AKAP7: variants seen among roughly 807,000 people sequenced by gnomAD.
The protein encoded by AKAP7 is A-kinase anchoring protein 7, also known as A kinase (PRKA) anchor protein 7.
In AKAP7, 39 loss-of-function variants were observed where a neutral mutation model predicts 39.5. The observed-to-expected ratio is 0.99, with a 90% CI of 0.76 to 1.29. AKAP7 has a LOEUF of 1.29. AKAP7 is among the 50% of genes most tolerant of loss of function. The pLI is 0.00. For synonymous variants in AKAP7, 140 were observed against 139.1 expected (o/e 1.01, Z -0.05); for missense variants, 414 against 407.7 (o/e 1.02, Z -0.13).
intron 5 of AKAP7, among the ~76,000 whole-genome samples, chr6:131,186,890 A>G (rs1190739212): frequency 6.6e-6 from 1 of 152,172 alleles, no homozygotes; most frequent in African/African-American, 2.4e-5. Flanking sequence ...CAACGTAAGA[A>G]TTTTGGAGGG....
At chr6:131,279,685 C>T (rs1180681274) in intron 7 of AKAP7, among the ~76,000 whole-genome samples, 1 of 152,124 alleles carries the variant, frequency 6.6e-6, no homozygotes, top group Non-Finnish European at 1.5e-5. Flanking sequence ...GGAGGTTGAG[C>T]CATTCATTGG....
intron 6 of AKAP7, among the ~76,000 whole-genome samples, chr6:131,210,854 C>A (rs961538998): frequency 2.0e-5 from 3 of 152,136 alleles, no homozygotes; most frequent in African/African-American, 4.8e-5. Flanking sequence ...ACGACTTGGT[C>A]CCCTTGGATC....
At chr6:131,226,168 G>A (rs1307215411) in intron 7 of AKAP7, among the ~76,000 whole-genome samples, 1 of 152,166 alleles carries the variant, frequency 6.6e-6, no homozygotes, top group Non-Finnish European at 1.5e-5. Context: ...GTACAAATCT[G>A]TTTACCTTTA....
At chr6:131,128,128 C>T in the AKAP7 span, among the ~76,000 whole-genome samples, 1 of 151,672 alleles carries the variant, frequency 6.6e-6, no homozygotes, top group Non-Finnish European at 1.5e-5. Flanking sequence ...ATGCGTTTAC[C>T]TATATAAAAA....
At chr6:131,246,919 G>T (rs1317812333) in intron 7 of AKAP7, among the ~76,000 whole-genome samples, 2 of 151,976 alleles carry the variant, frequency 1.3e-5, no homozygotes, top group Non-Finnish European at 2.9e-5. Context: ...AATGCTTAGG[G>T]TTTGTAGAGC....
chr6:131,248,766 G>A (rs75609623), intron 7 of AKAP7, among the ~76,000 whole-genome samples: 1 of 152,178 alleles, frequency 6.6e-6, no homozygotes, highest in African/African-American at 2.4e-5. Context: ...TTGCTTTCTG[G>A]TCTTAATAAG....
At chr6:131,215,935 T>C (rs11759731) in intron 6 of AKAP7, among the ~76,000 whole-genome samples, 21,594 of 152,220 alleles carry the variant, frequency 0.14, 1,883 homozygotes, top group Middle Eastern at 0.28. Flanking sequence ...TAGCTACTTA[T>C]ATGACAGCAA....
At chr6:131,234,326 T>C (rs1467297225) in intron 7 of AKAP7, among the ~76,000 whole-genome samples, 1 of 152,154 alleles carries the variant, frequency 6.6e-6, no homozygotes, top group East Asian at 1.9e-4. Context: ...TGGGAAGTCA[T>C]GCAAACAAAC....
intron 5 of AKAP7, among the ~76,000 whole-genome samples, chr6:131,196,351 C>T (rs776769728): frequency 2.0e-5 from 3 of 151,628 alleles, no homozygotes; most frequent in African/African-American, 2.4e-5. Flanking sequence ...CTGCAACCTC[C>T]GCCTCCCAGG....
At chr6:131,179,897 A>AC in intron 5 of AKAP7, among the ~76,000 whole-genome samples, 1 of 144,674 alleles carries the variant, frequency 6.9e-6, no homozygotes, top group South Asian at 2.1e-4. Flanking sequence ...ATAAATAAAT[A>AC]ATAAATAAAT....
At chr6:131,257,208 T>C (rs1304131576) in intron 7 of AKAP7, among the ~76,000 whole-genome samples, 1 of 152,046 alleles carries the variant, frequency 6.6e-6, no homozygotes, top group African/African-American at 2.4e-5. Flanking sequence ...AGTGTGTTAA[T>C]TGCATAGCCG....
chr6:131,126,495 C>T, the AKAP7 span, among the ~76,000 whole-genome samples: 5 of 152,162 alleles, frequency 3.3e-5, no homozygotes, highest in Non-Finnish European at 5.9e-5. Context: ...AATCTCCATC[C>T]TTGGCTTCCA....
chr6:131,270,354 C>T (rs766729337), intron 7 of AKAP7, among the ~76,000 whole-genome samples: 5 of 152,174 alleles, frequency 3.3e-5, no homozygotes, highest in Non-Finnish European at 7.3e-5. Context: ...GTTTATTTCA[C>T]ACAACGTATT....
chr6:131,176,473 C>A (rs1049682839), intron 5 of AKAP7, among the ~76,000 whole-genome samples: 1 of 151,802 alleles, frequency 6.6e-6, no homozygotes, highest in Admixed American at 6.6e-5. Flanking sequence ...TTTTTTCAGC[C>A]ATATATAATT....
intron 7 of AKAP7, among the ~76,000 whole-genome samples, chr6:131,260,110 C>T (rs1235504248): frequency 6.6e-6 from 1 of 152,052 alleles, no homozygotes; most frequent in Non-Finnish European, 1.5e-5. Context: ...CATATCCATC[C>T]ATGTCCCTGC....
intron 4 of AKAP7, 97 bp downstream of exon 4, chr6:131,165,314 AAGT>A (rs1803374735): frequency 8.3e-6 from 7 of 843,022 alleles, no homozygotes; most frequent in Middle Eastern, 3.6e-4. Context: ...AATTTTAAAG[AAGT>A]AGTCTCTATA....
chr6:131,135,346 C>T (rs1054198356), upstream of AKAP7, among the ~76,000 whole-genome samples: 1 of 152,206 alleles, frequency 6.6e-6, no homozygotes. Flanking sequence ...ATTGCAGAGT[C>T]GAGACGACCT....
At chr6:131,280,915 T>G (rs1273101564) in intron 7 of AKAP7, among the ~76,000 whole-genome samples, 3 of 152,124 alleles carry the variant, frequency 2.0e-5, no homozygotes, top group Non-Finnish European at 4.4e-5. Context: ...TAATCCTAAT[T>G]TTTCTTTAAA....
chr6:131,238,694 T>G (rs1417114191), intron 7 of AKAP7, among the ~76,000 whole-genome samples: 1 of 152,204 alleles, frequency 6.6e-6, no homozygotes, highest in East Asian at 1.9e-4. Context: ...CTTTGTTGGT[T>G]TAAAGTCTGT....
Sources: gnomAD v4.1 joint callset for allele counts (sites outside exome capture counted in the v4.1 genomes callset) on GRCh38, gnomAD v4.1.1 for gene constraint, MANE v1.5 for transcripts, NCBI Gene and HGNC (gene_info 2026-07-23, HGNC 2026-07-21) for gene names.